The following NRCAM variants were observed in gnomAD, a reference collection of about 807,000 sequenced individuals.
NRCAM encodes the protein NgCAM-related cell adhesion molecule.
Under a neutral mutation model 156.5 loss-of-function variants are expected in NRCAM, and 83 were observed. The observed-to-expected ratio is 0.53, with a 90% CI of 0.44 to 0.64. The LOEUF (loss-of-function observed/expected upper bound fraction) is 0.64. Ranked by LOEUF, NRCAM falls within the 30% of genes least tolerant of loss-of-function variation. The pLI, the probability that NRCAM is intolerant of heterozygous loss-of-function variation, is 0.00. For synonymous variants in NRCAM, 538 were observed against 563.9 expected (o/e 0.95, Z 0.65); for missense variants, 1,417 against 1,597.3 (o/e 0.89, Z 1.92).
chr7:108,384,310 GAAAAAC>G (rs1334943470), intron 2 of NRCAM, among the ~76,000 whole-genome samples: 2 of 151,876 alleles, frequency 1.3e-5, no homozygotes, highest in East Asian at 3.9e-4. Context: ...TCCAGCCAAA[GAAAAAC>G]AAAAACAAAA....
At chr7:108,336,618 C>G (rs1268585637) in intron 2 of NRCAM, among the ~76,000 whole-genome samples, 1 of 152,110 alleles carries the variant, frequency 6.6e-6, no homozygotes, top group Non-Finnish European at 1.5e-5. Context: ...TTAAAATGTT[C>G]TAAAAGATTT....
intron 32 of NRCAM, among the ~76,000 whole-genome samples, chr7:108,150,379 T>C (rs552194640): frequency 2.6e-5 from 4 of 152,314 alleles, no homozygotes; most frequent in African/African-American, 9.6e-5. Context: ...ATAGTGTTTG[T>C]TAATTTCAAT....
chr7:108,187,772 A>G (rs1402356917), intron 20 of NRCAM, among the ~76,000 whole-genome samples: 1 of 152,052 alleles, frequency 6.6e-6, no homozygotes, highest in African/African-American at 2.4e-5. Flanking sequence ...TAGTACGGCA[A>G]AACCCCATCT....
chr7:108,168,235 C>T, intron 29 of NRCAM, 42 bp downstream of exon 29: 1 of 1,463,884 alleles, frequency 6.8e-7, no homozygotes, highest in Non-Finnish European at 9.1e-7. Context: ...TTAAAAAATG[C>T]ATCCCCCAAA....
At chr7:108,396,014 A>G (rs1459190606) in intron 2 of NRCAM, among the ~76,000 whole-genome samples, 1 of 152,156 alleles carries the variant, frequency 6.6e-6, no homozygotes, top group Non-Finnish European at 1.5e-5. Flanking sequence ...CACGGCAAAC[A>G]CTTAGCAAAT....
At chr7:108,403,562 A>G (rs2099798936) in intron 1 of NRCAM, among the ~76,000 whole-genome samples, 1 of 152,252 alleles carries the variant, frequency 6.6e-6, no homozygotes, top group East Asian at 1.9e-4. Context: ...TGAAAATATA[A>G]TAAGCTACAT....
At chr7:108,220,383 C>T (rs556393687) in intron 11 of NRCAM, among the ~76,000 whole-genome samples, 1 of 152,158 alleles carries the variant, frequency 6.6e-6, no homozygotes, top group East Asian at 1.9e-4. Flanking sequence ...AGACCCCACA[C>T]AGCCAAAGCA....
intron 22 of NRCAM, among the ~76,000 whole-genome samples, chr7:108,183,944 T>C (rs2153365444): frequency 6.6e-6 from 1 of 152,282 alleles, no homozygotes; most frequent in South Asian, 2.1e-4. Context: ...AAATTGGTTC[T>C]ATTATTACTC....
chr7:108,435,929 C>G (rs983432375), intron 1 of NRCAM, among the ~76,000 whole-genome samples: 1 of 152,132 alleles, frequency 6.6e-6, no homozygotes, highest in African/African-American at 2.4e-5. Context: ...GTAGGAGATC[C>G]AGACCATCCT....
intron 2 of NRCAM, among the ~76,000 whole-genome samples, chr7:108,388,543 T>C (rs1284099759): frequency 2.0e-5 from 3 of 152,236 alleles, no homozygotes; most frequent in African/African-American, 7.2e-5. Flanking sequence ...TCTTTTGCTG[T>C]GCAGAAGCTC....
intron 32 of NRCAM, among the ~76,000 whole-genome samples, chr7:108,155,270 CATTA>C (rs1563169623): frequency 1.3e-5 from 2 of 151,588 alleles, no homozygotes; most frequent in African/African-American, 4.8e-5. Context: ...GTGTATCAGA[CATTA>C]ATTATTAGTT....
chr7:108,441,053 CT>C (rs892150608), intron 1 of NRCAM, among the ~76,000 whole-genome samples: 63 of 152,224 alleles, frequency 4.1e-4, no homozygotes, highest in Middle Eastern at 3.4e-3. Flanking sequence ...GTTTGTTGTT[CT>C]TAAGCCCAAA....
At chr7:108,218,650 C>A (rs1038046542) in intron 11 of NRCAM, among the ~76,000 whole-genome samples, 2 of 152,096 alleles carry the variant, frequency 1.3e-5, no homozygotes, top group African/African-American at 4.8e-5. Context: ...TTAAAAAATT[C>A]TTCGAACTGA....
At chr7:108,227,325 C>T (rs964159875) in intron 8 of NRCAM, among the ~76,000 whole-genome samples, 2 of 152,148 alleles carry the variant, frequency 1.3e-5, no homozygotes, top group African/African-American at 4.8e-5. Context: ...TTTTCTTTAT[C>T]TTTTATGGAC....
chr7:108,212,237 C>G (rs1269685731), intron 11 of NRCAM, among the ~76,000 whole-genome samples: 1 of 152,162 alleles, frequency 6.6e-6, no homozygotes, highest in Non-Finnish European at 1.5e-5. Context: ...ACAAAAGAAT[C>G]TGAACAACAG....
chr7:108,401,965 G>A (rs967666371), intron 1 of NRCAM, among the ~76,000 whole-genome samples: 2 of 152,214 alleles, frequency 1.3e-5, no homozygotes, highest in Non-Finnish European at 2.9e-5. Flanking sequence ...TCTGTTGAGA[G>A]AGAATTAACA....
At chr7:108,299,025 G>C (rs183627262) in intron 3 of NRCAM, among the ~76,000 whole-genome samples, 1 of 143,762 alleles carries the variant, frequency 7.0e-6, no homozygotes, top group Admixed American at 7.3e-5. Flanking sequence ...AGAATCGCTT[G>C]AACCCAGGAG....
At chr7:108,406,410 T>C (rs1177804075) in intron 1 of NRCAM, among the ~76,000 whole-genome samples, 1 of 152,124 alleles carries the variant, frequency 6.6e-6, no homozygotes, top group Non-Finnish European at 1.5e-5. Flanking sequence ...GAATAGGATA[T>C]ACAGGGATTA....
At chr7:108,261,232 C>G (rs1307303375) in intron 3 of NRCAM, among the ~76,000 whole-genome samples, 1 of 152,128 alleles carries the variant, frequency 6.6e-6, no homozygotes, top group Non-Finnish European at 1.5e-5. Context: ...TTATAAAACC[C>G]ACTTAAGACC....
Sources: allele counts gnomAD v4.1 joint callset (sites outside exome capture counted in the v4.1 genomes callset), GRCh38; gene constraint gnomAD v4.1.1; transcripts MANE v1.5; gene names NCBI Gene and HGNC (gene_info 2026-07-23, HGNC 2026-07-21).